GPC3: variants seen among roughly 807,000 people sequenced by gnomAD.
GPC3 encodes glypican-3.
A neutral mutation model predicts 34.4 loss-of-function variants in GPC3; 3 were observed. The observed-to-expected ratio is 0.09, with a 90% CI of 0.04 to 0.23. The LOEUF is 0.23. GPC3 is among the 10% of genes least tolerant of loss of function. The pLI is 1.00. For synonymous variants in GPC3, 177 were observed against 174.0 expected (o/e 1.02, Z -0.13); for missense variants, 351 against 445.6 (o/e 0.79, Z 1.91).
chrX:133,568,131 C>T (rs1035446171), intron 7 of GPC3, among the ~76,000 whole-genome samples: 2 of 112,089 alleles, frequency 1.8e-5, no homozygotes, highest in Non-Finnish European at 3.8e-5. Flanking sequence ...ATTTGCATTG[C>T]TTGACCTGAC....
intron 2 of GPC3, among the ~76,000 whole-genome samples, chrX:133,883,491 G>T (rs1174126414): frequency 2.7e-5 from 3 of 111,831 alleles, no homozygotes; most frequent in African/African-American, 9.7e-5. Context: ...TATACTGAAT[G>T]CATATGGACT....
At chrX:133,770,174 G>T (rs1203455442) in intron 2 of GPC3, among the ~76,000 whole-genome samples, 1 of 111,569 alleles carries the variant, frequency 9.0e-6, no homozygotes, top group Non-Finnish European at 1.9e-5. Flanking sequence ...CTACACAGGA[G>T]GCTGAGGCAG....
Position 133,632,100 on chromosome X carries a change from T to G in GPC3, c.1413+29630A>C, listed in dbSNP as rs1004489078. On this transcript the variant is annotated intron_variant, in intron 6 of 7. Coordinates refer to ENST00000370818, the MANE Select transcript of GPC3 (RefSeq NM_004484.4). The stretch of plus-strand genomic sequence containing the variant: ...AGTTAACATTTACCACTTTAAAAAT[T>G]TTTTAAAAAATTTTTTTGAGACAGT... 6.4e-5 allele frequency among the ~76,000 whole-genome samples: 7 copies of G among 109,902 alleles called. No homozygotes were observed. In the East Asian group the frequency reaches 1.4e-3, roughly 22 times the overall value.
intron 2 of GPC3, among the ~76,000 whole-genome samples, chrX:133,901,543 C>T (rs1326339289): frequency 9.0e-6 from 1 of 111,267 alleles, no homozygotes; most frequent in African/African-American, 3.3e-5. Context: ...CGGGTTCAAG[C>T]GATTCTCCTG....
At chrX:133,679,560 A>G (rs1369825997) in intron 5 of GPC3, among the ~76,000 whole-genome samples, 5 of 111,664 alleles carry the variant, frequency 4.5e-5, no homozygotes, top group Non-Finnish European at 9.4e-5. Context: ...TACGAATTCA[A>G]TAAACATGTA....
Position 133,539,661 on chromosome X carries a change from C to A in GPC3, c.1574-3368G>T, listed in dbSNP as rs910920441. ...CCCCCAGGAATATTCAGAACGCTATCTCCCTGTGTTCCATAAGCTATGGCT... is the reference window on the plus strand; with the variant it reads ...CCCCCAGGAATATTCAGAACGCTATATCCCTGTGTTCCATAAGCTATGGCT... On this transcript the variant is annotated intron_variant, in intron 7 of 7. Coordinates refer to ENST00000370818, the MANE Select transcript of GPC3 (RefSeq NM_004484.4). Among the ~76,000 whole-genome samples, 3 of 112,302 alleles carry A rather than the reference C, an allele frequency of 2.7e-5. No homozygotes were observed. The Admixed American group carries it at 2.8e-4, about 11-fold the overall frequency.
At chrX:133,722,002 A>G (rs1881016301) in intron 3 of GPC3, among the ~76,000 whole-genome samples, 1 of 111,227 alleles carries the variant, frequency 9.0e-6, no homozygotes, top group South Asian at 3.8e-4. Context: ...AAGACAACCT[A>G]CAGAATGAGA....
At chrX:133,736,340 T>C (rs1303180855) in intron 3 of GPC3, among the ~76,000 whole-genome samples, 2 of 112,008 alleles carry the variant, frequency 1.8e-5, no homozygotes, top group East Asian at 5.6e-4. Context: ...AAGGTAAATA[T>C]AGAGTTACCA....
chrX:133,654,569 G>T (rs910619725), intron 6 of GPC3, among the ~76,000 whole-genome samples: 2 of 110,265 alleles, frequency 1.8e-5, no homozygotes, highest in Admixed American at 1.9e-4. Context: ...AAAATTAGCT[G>T]GGCGCAGTGG....
intron 7 of GPC3, among the ~76,000 whole-genome samples, chrX:133,567,429 T>C (rs766704121): frequency 2.7e-5 from 3 of 112,242 alleles, no homozygotes; most frequent in East Asian, 5.6e-4. Flanking sequence ...CTGGTTCTGA[T>C]AGAATATTAA....
chrX:133,903,782 C>T (rs909207896), intron 2 of GPC3, among the ~76,000 whole-genome samples: 2 of 111,755 alleles, frequency 1.8e-5, no homozygotes, highest in African/African-American at 6.5e-5. Context: ...TTCTTGCTTG[C>T]CTTTATGGCA....
chrX:133,766,441 A>G (rs747426757), intron 2 of GPC3, among the ~76,000 whole-genome samples: 91 of 112,205 alleles, frequency 8.1e-4, no homozygotes, highest in Non-Finnish European at 1.5e-3. Context: ...ATAAAATACC[A>G]TATAGTTATA....
chrX:133,577,422 A>C (rs1285214451), intron 7 of GPC3, among the ~76,000 whole-genome samples: 1 of 112,197 alleles, frequency 8.9e-6, no homozygotes, highest in African/African-American at 3.2e-5. Context: ...AAAACAAGAA[A>C]GGGTTAATCG....
chrX:133,925,255 G>T (rs921186323), intron 2 of GPC3, among the ~76,000 whole-genome samples: 1 of 109,756 alleles, frequency 9.1e-6, no homozygotes, highest in Non-Finnish European at 1.9e-5. Context: ...TATGATAGGG[G>T]TACTGGGCTG....
intron 4 of GPC3, among the ~76,000 whole-genome samples, chrX:133,696,818 A>G (rs1322793068): frequency 1.8e-5 from 2 of 112,926 alleles, no homozygotes; most frequent in Non-Finnish European, 3.7e-5. Flanking sequence ...CATAGCATTG[A>G]CATACAAAAA....
Position 133,644,179 on chromosome X carries a change from C to T in GPC3, c.1413+17551G>A, listed in dbSNP as rs188814090. Among the ~76,000 whole-genome samples the T allele has an allele frequency of 1.9e-3, 214 of 110,672 alleles. 1 individual carries two copies. Among genetic ancestry groups the T allele is most frequent in the African/African-American group, 6.7e-3 (205 of 30,441 alleles). ...TACTGAAATATCCTTATACATACAT[C>T]TTTGTAGATTGTCATGTTCTTTCCT... On this transcript the variant is annotated intron_variant, in intron 6 of 7. Transcript: ENST00000370818.
At chrX:133,592,504 C>CAATG (rs1406375212) in intron 7 of GPC3, among the ~76,000 whole-genome samples, 1 of 109,983 alleles carries the variant, frequency 9.1e-6, no homozygotes, top group African/African-American at 3.3e-5. Context: ...AATAAGTGTC[C>CAATG]AATGAACATT....
rs56318773 is a variant in GPC3, at chrX:133,788,088, TTATATATATATA to T, written c.338-33924_338-33913del. Among the ~76,000 whole-genome samples, 225 of 64,910 alleles carry T rather than the reference TTATATATATATA, an allele frequency of 3.5e-3. 3 individuals carry two copies. Among genetic ancestry groups the T allele is most frequent in the African/African-American group, 0.013 (187 of 14,195 alleles). The allele number at this position is 64,910 out of a possible 115,157, so 56.4% of individuals were successfully genotyped here. On this transcript the variant is annotated intron_variant, in intron 2 of 7. Transcript: ENST00000370818. The stretch of plus-strand genomic sequence containing the variant: ...TATAATATAAAGATATCATATTATT[TTATATATATATA>T]TATATATATATATATATATATATGT...
intron 2 of GPC3, among the ~76,000 whole-genome samples, chrX:133,913,349 T>G (rs992888335): frequency 4.5e-5 from 5 of 111,802 alleles, no homozygotes; most frequent in Non-Finnish European, 9.4e-5. Flanking sequence ...TGAGGAAAAA[T>G]AAGTGCCAAT....
Sources: gnomAD v4.1 joint callset for allele counts (sites outside exome capture counted in the v4.1 genomes callset) on GRCh38, gnomAD v4.1.1 for gene constraint, MANE v1.5 for transcripts, NCBI Gene and HGNC (gene_info 2026-07-23, HGNC 2026-07-21) for gene names.